Variants in CDON observed in about 807,000 individuals in gnomAD.
The protein encoded by CDON is cell adhesion associated, oncogene regulated.
In CDON, 73 loss-of-function variants were observed where a neutral mutation model predicts 120.9. The ratio of observed to expected loss-of-function variants is 0.60; its 90% CI spans 0.50 to 0.73. The LOEUF (loss-of-function observed/expected upper bound fraction) is 0.73. Ranked by LOEUF, CDON falls within the 30% of genes least tolerant of loss-of-function variation. The probability of loss-of-function intolerance (pLI) is 0.00; values close to 1 mark genes in which losing one functional copy is unlikely to be tolerated. For synonymous variants in CDON, 566 were observed against 573.5 expected (o/e 0.99, Z 0.19); for missense variants, 1,470 against 1,587.3 (o/e 0.93, Z 1.26).
chr11:126,051,269 G>C (rs144649360), intron 1 of CDON, among the ~76,000 whole-genome samples: 1 of 152,248 alleles, frequency 6.6e-6, no homozygotes, highest in African/African-American at 2.4e-5. Flanking sequence ...CTTTATAAGG[G>C]TAATCACTTC....
intron 10 of CDON, among the ~76,000 whole-genome samples, chr11:126,002,129 C>CT (rs1423100904): frequency 2.6e-5 from 4 of 152,146 alleles, no homozygotes; most frequent in Non-Finnish European, 4.4e-5. Flanking sequence ...AGCCAAATGA[C>CT]TAAGTGTTCA....
intron 1 of CDON, among the ~76,000 whole-genome samples, chr11:126,049,951 T>G (rs1948514232): frequency 6.6e-6 from 1 of 152,190 alleles, no homozygotes; most frequent in Non-Finnish European, 1.5e-5. Flanking sequence ...TACTTCATAT[T>G]CAGCCAGGAT....
chr11:125,964,979 T>C (rs1246541832), intron 18 of CDON, among the ~76,000 whole-genome samples: 1 of 152,114 alleles, frequency 6.6e-6, no homozygotes, highest in Admixed American at 6.5e-5. Flanking sequence ...CAGGCTGGAG[T>C]GCAATGGAGT....
intron 11 of CDON, among the ~76,000 whole-genome samples, chr11:125,998,030 G>T (rs75885548): frequency 6.6e-6 from 1 of 152,154 alleles, no homozygotes; most frequent in African/African-American, 2.4e-5. Flanking sequence ...TTAAACAAAA[G>T]TGCTAGCAGA....
At chr11:125,962,411 C>T (rs953005501) in intron 18 of CDON, among the ~76,000 whole-genome samples, 2 of 152,138 alleles carry the variant, frequency 1.3e-5, no homozygotes, top group African/African-American at 2.4e-5. Context: ...TATGGCCACA[C>T]GAAAGAAACA....
At chr11:125,966,138 A>AC (rs1945794103) in intron 18 of CDON, among the ~76,000 whole-genome samples, 1 of 69,396 alleles carries the variant, frequency 1.4e-5, no homozygotes, top group Admixed American at 1.9e-4. Flanking sequence ...ATTCCATCTC[A>AC]AAAAAAAAAA....
At chr11:126,056,106 G>C (rs1453317509) in intron 1 of CDON, among the ~76,000 whole-genome samples, 1 of 152,146 alleles carries the variant, frequency 6.6e-6, no homozygotes, top group African/African-American at 2.4e-5. Flanking sequence ...GTTCAATGTT[G>C]CACCCAAGAA....
chr11:126,031,438 A>G (rs571137804), intron 1 of CDON, among the ~76,000 whole-genome samples: 1 of 152,364 alleles, frequency 6.6e-6, no homozygotes, highest in Non-Finnish European at 1.5e-5. Context: ...AAGTGATATT[A>G]TAGCTTCAGG....
chr11:126,011,380 A>T (rs1237663375), intron 7 of CDON, among the ~76,000 whole-genome samples: 1 of 152,316 alleles, frequency 6.6e-6, no homozygotes, highest in East Asian at 1.9e-4. Context: ...CCCATGTCTG[A>T]CAAAACCAAC....
intron 18 of CDON, among the ~76,000 whole-genome samples, chr11:125,971,382 C>CAAA (rs1555114686): frequency 3.9e-5 from 4 of 103,182 alleles, no homozygotes; most frequent in Non-Finnish European, 6.8e-5. Flanking sequence ...GACTCTGTCT[C>CAAA]TAAATAAATA....
intron 4 of CDON, among the ~76,000 whole-genome samples, chr11:126,018,901 G>A (rs1286168960): frequency 1.3e-5 from 2 of 152,108 alleles, no homozygotes; most frequent in Admixed American, 6.5e-5. Flanking sequence ...TAGCGGTAAA[G>A]AAGCAATCAA....
intron 18 of CDON, among the ~76,000 whole-genome samples, chr11:125,963,923 C>T (rs1945719492): frequency 6.6e-6 from 1 of 152,204 alleles, no homozygotes; most frequent in African/African-American, 2.4e-5. Context: ...AATCAGAGCA[C>T]TGGTCTAGAT....
chr11:125,989,794 C>A lies in CDON; in HGVS notation c.2651-35G>T, dbSNP rs375057686. 2.5e-6 allele frequency: 4 copies of A among 1,593,430 alleles called. No homozygotes were observed. The African/African-American group carries it at 4.0e-5, about 16-fold the overall frequency. On this transcript the variant is annotated intron_variant, in intron 14 of 19. Coordinates refer to ENST00000531738, the MANE Select transcript of CDON (RefSeq NM_001378964.1). ...AAAATAAAAGGCTTTACACATCATA[C>A]AGCCTAAATGATAATGTCAATATAA... is the stretch of plus-strand genomic sequence containing the variant.
intron 1 of CDON, among the ~76,000 whole-genome samples, chr11:126,042,164 G>A (rs545618213): frequency 1.6e-4 from 24 of 152,268 alleles, no homozygotes; most frequent in Middle Eastern, 3.4e-3. Flanking sequence ...GATTACAGGC[G>A]TGAGCCACCA....
chr11:126,020,173 A>G (rs1947593171), intron 3 of CDON, among the ~76,000 whole-genome samples: 1 of 152,170 alleles, frequency 6.6e-6, no homozygotes, highest in Non-Finnish European at 1.5e-5. Context: ...ATAAATATAA[A>G]CTGCTCCTAA....
intron 1 of CDON, among the ~76,000 whole-genome samples, chr11:126,058,746 C>G (rs1300456224): frequency 6.6e-6 from 1 of 152,176 alleles, no homozygotes. Flanking sequence ...GAAAAGTACA[C>G]AAGAAACAAA....
intron 4 of CDON, 80 bp downstream of exon 4, chr11:126,019,539 T>C (rs1947569680): frequency 2.0e-6 from 3 of 1,485,810 alleles, no homozygotes; most frequent in Non-Finnish European, 2.8e-6. Context: ...AGTTCGTCCC[T>C]AGCACACAGA....
At chr11:125,965,131 G>A (rs577067001) in intron 18 of CDON, among the ~76,000 whole-genome samples, 40 of 152,114 alleles carry the variant, frequency 2.6e-4, no homozygotes, top group South Asian at 1.0e-3. Context: ...GGGTTTCACC[G>A]TGTTGCCCAG....
intron 18 of CDON, among the ~76,000 whole-genome samples, chr11:125,965,164 C>T (rs1356923822): frequency 6.6e-6 from 1 of 152,184 alleles, no homozygotes; most frequent in Non-Finnish European, 1.5e-5. Flanking sequence ...CTCCTGAGTT[C>T]AGGCAATCCA....
Sources: gnomAD v4.1 joint callset for allele counts (sites outside exome capture counted in the v4.1 genomes callset) on GRCh38, gnomAD v4.1.1 for gene constraint, MANE v1.5 for transcripts, NCBI Gene and HGNC (gene_info 2026-07-23, HGNC 2026-07-21) for gene names.